ZNF91: variants seen among roughly 807,000 people sequenced by gnomAD.
The protein encoded by ZNF91 is zinc finger protein 91, also known as zinc finger protein 91 (HPF7, HTF10).
ZNF91 carries 7 observed loss-of-function variants against 12.6 expected under a neutral mutation model. The ratio of observed to expected loss-of-function variants is 0.55; its 90% CI spans 0.31 to 1.04. The LOEUF (loss-of-function observed/expected upper bound fraction) is 1.04, where lower values mean the gene tolerates loss of function less well. ZNF91 is among the 50% of genes least tolerant of loss of function. ZNF91 has a pLI of 0.05. For missense variants in ZNF91, 1,217 were observed against 1,385.4 expected, an observed-to-expected ratio of 0.88 and a Z score of 1.93; for synonymous variants, 453 against 462.6, an observed-to-expected ratio of 0.98 and a Z score of 0.27.
rs552422947 is a variant in ZNF91 at position 23,359,751 on chromosome 19, T to C, written c.3228A>G (p.Lys1076=). 271 of 1,613,942 alleles carry C rather than the reference T, an allele frequency of 1.7e-4. 2 individuals carry two copies. The South Asian group carries it at 2.8e-3, about 17-fold the overall frequency. ...NGHKRIHTRE[K]PYKCEECGKA... is the part of the protein sequence containing the mutation. The stretch of plus-strand genomic sequence containing the variant: ...TGCCACATTCTTCACATTTGTAGGG[T>C]TTCTCTCTAGTATGAATTCTCTTAT... Residue 1076 remains lysine, a synonymous_variant, in exon 4 of 4, where the codon AAA becomes AAG. Transcript: ENST00000300619.
downstream of ZNF91, among the ~76,000 whole-genome samples, chr19:23,355,796 A>G (rs1047033800): frequency 6.6e-6 from 1 of 152,180 alleles, no homozygotes; most frequent in Non-Finnish European, 1.5e-5. Flanking sequence ...AAACTCAAGC[A>G]AATCAGTAAG....
chr19:23,372,127 T>C (rs963412418), intron 3 of ZNF91, among the ~76,000 whole-genome samples: 1 of 152,106 alleles, frequency 6.6e-6, no homozygotes, highest in African/African-American at 2.4e-5. Flanking sequence ...ATGTACATTC[T>C]AGTATATTGT....
intron 3 of ZNF91, among the ~76,000 whole-genome samples, chr19:23,373,385 T>TAA (rs202191141): frequency 2.1e-4 from 13 of 61,270 alleles, no homozygotes; most frequent in African/African-American, 5.6e-4. Flanking sequence ...TATATATATA[T>TAA]AAATAAACAG....
intron 3 of ZNF91, among the ~76,000 whole-genome samples, chr19:23,373,380 ATATAT>A (rs1568395272): frequency 1.8e-4 from 14 of 79,954 alleles, no homozygotes; most frequent in Admixed American, 6.4e-4. Context: ...ATATATATAT[ATATAT>A]AAATAAACAG....
intron 3 of ZNF91, among the ~76,000 whole-genome samples, chr19:23,342,780 G>T (rs1968151306): frequency 6.6e-6 from 1 of 151,646 alleles, no homozygotes; most frequent in African/African-American, 2.4e-5. Context: ...GAGAGACCAG[G>T]TTTCTATAGT....
chr19:23,359,587 T>C lies in ZNF91; in HGVS notation c.3392A>G (p.Glu1131Gly). The change falls in exon 4 of 4, where the codon GAG becomes GGG. Residue 1131 changes from glutamate to glycine, a missense_variant. Physicochemically the swap from Glu to Gly is moderately conservative, Grantham distance 98 (BLOSUM62 -2). This residue lies in a region of ZNF91 where 491 missense variants were observed against 489.8 expected (regional missense o/e 1.00). Transcript: ENST00000300619. ...ACATTTTTCACATTTGTAGGGTTTC[T>C]CTCCAGTGTGAATTATCTTATGTTT... is the stretch of plus-strand genomic sequence containing the variant. ...LTKHKIIHTG[E>G]KPYKCEKCGK... The C allele has an allele frequency of 6.2e-7, 1 of 1,614,070 alleles. No individual in the cohort carries two copies.
chr19:23,374,865 A>C (rs1969446312), intron 1 of ZNF91, 101 bp from the exon 2 acceptor site: 4 of 1,542,436 alleles, frequency 2.6e-6, no homozygotes, highest in Non-Finnish European at 3.5e-6. Flanking sequence ...ACTGGTTCTG[A>C]CTTATAAGAG....
At chr19:23,363,789 GA>G (rs1968900301) in intron 3 of ZNF91, among the ~76,000 whole-genome samples, 1 of 151,972 alleles carries the variant, frequency 6.6e-6, no homozygotes, top group Non-Finnish European at 1.5e-5. Context: ...GACAACTATG[GA>G]AAATCGGAAA....
intron 1 of ZNF91, among the ~76,000 whole-genome samples, chr19:23,387,760 T>C (rs1568404251): frequency 6.6e-6 from 1 of 151,526 alleles, no homozygotes; most frequent in Non-Finnish European, 1.5e-5. Context: ...GCCAACATGG[T>C]AAAACCCCAT....
At chr19:23,318,452 G>A (rs1038283005) in intron 1 of ZNF91, among the ~76,000 whole-genome samples, 3 of 152,140 alleles carry the variant, frequency 2.0e-5, no homozygotes, top group African/African-American at 7.2e-5. Flanking sequence ...AGGTTGTGAT[G>A]TGTCTCTGGA....
At chr19:23,338,345 G>C (rs560213154), downstream of ZNF91, 15 of 151,886 alleles carry the variant, frequency 9.9e-5, no homozygotes, top group Admixed American at 3.3e-4. Flanking sequence ...CTGACCAGAA[G>C]AGAATGGGAT....
intron 3 of ZNF91, among the ~76,000 whole-genome samples, chr19:23,363,999 T>C (rs1158739853): frequency 6.6e-6 from 1 of 151,456 alleles, no homozygotes; most frequent in Non-Finnish European, 1.5e-5. Context: ...AAAAAAAAAA[T>C]CTTTGAAGCT....
At position 23,361,351 on chromosome 19, in the gene ZNF91, T is replaced by G. The variant is rs769317124; in HGVS notation, c.1628A>C (p.Glu543Ala). 6.2e-7 allele frequency: 1 copy of G among 1,613,704 alleles called. No individual in the cohort carries two copies. The highest frequency in any genetic ancestry group is 1.1e-5 in the South Asian group (1 of 91,060). ...LNKHKIIHSREKPYKCKECGK... is the reference protein window; with the variant it reads ...LNKHKIIHSRAKPYKCKECGK... ...ACATTCTTTACATTTGTAGGGTTTC[T>G]CTCTACTATGAATTATCTTATGTTT... Residue 543 changes from glutamate to alanine, a missense_variant, in exon 4 of 4, where the codon GAG (glutamate) becomes GCG (alanine). Physicochemically the swap from Glu to Ala is moderately radical, Grantham distance 107. This residue lies in a region of ZNF91 where 726 missense variants were observed against 895.5 expected (regional missense o/e 0.81). Transcript: ENST00000300619.
chr19:23,352,176 A>C (rs1968381886), intron 3 of ZNF91, among the ~76,000 whole-genome samples: 1 of 152,190 alleles, frequency 6.6e-6, no homozygotes, highest in Non-Finnish European at 1.5e-5. Flanking sequence ...CTCCACCTGG[A>C]AACAGACTCG....
rs539717385 is a variant in ZNF91, at chr19:23,375,034, C to A, written c.31-270G>T. Among the ~76,000 whole-genome samples the A allele has an allele frequency of 7.9e-5, 12 of 152,184 alleles. No individual in the cohort carries two copies. In the East Asian group the frequency reaches 2.1e-3, roughly 27 times the overall value. Reference sequence around the variant, plus strand: ...GTAAAATTGAGGGCATAAATATTAACAAGTACATTTTTGAGTGTTATATTT... The same window carrying A: ...GTAAAATTGAGGGCATAAATATTAAAAAGTACATTTTTGAGTGTTATATTT... On this transcript the variant is annotated intron_variant, in intron 1 of 3. Transcript: ENST00000300619.
Position 23,323,688 on chromosome 19 carries a change from CTCCTTCT to C in ZNF91, n.117-14598_117-14592del, listed in dbSNP as rs1380831437. 4.4e-5 allele frequency among the ~76,000 whole-genome samples: 5 copies of C among 112,530 alleles called. No homozygotes were observed. In the East Asian group the frequency reaches 1.2e-3, roughly 27 times the overall value. The allele number at this position is 112,530 out of a possible 152,430, so 73.8% of individuals were successfully genotyped here. ...CCTCTTCTCTCCTCCTCCTCTACTT[CTCCTTCT>C]TTATCCTCTCCTCCTTCTTTTCTTC... is the stretch of plus-strand genomic sequence containing the variant. On this transcript the variant is annotated intron_variant and non_coding_transcript_variant, in intron 1 of 1. Coordinates refer to the ZNF91 transcript ENST00000596528.
At position 23,361,853 on chromosome 19, in the gene ZNF91, T is replaced by C; in HGVS notation, c.1126A>G (p.Lys376Glu). The C allele has an allele frequency of 6.2e-7, 1 of 1,610,270 alleles. No homozygotes were observed. The highest frequency in any genetic ancestry group is 8.5e-7 in the Non-Finnish European group (1 of 1,177,310). ...ANHKITHTEE[K>E]PYKCKECDKA... The stretch of plus-strand genomic sequence containing the variant: ...TCACATTCTTTACATTTGTAGGGTT[T>C]CTCTTCAGTATGAGTTATCTTATGA... The change falls in exon 4 of 4, where the codon AAA (lysine) becomes GAA (glutamate). Residue 376 changes from lysine to glutamate, a missense_variant. Lys to Glu is a moderately conservative substitution (Grantham distance 56). Transcript: ENST00000300619.
intron 3 of ZNF91, among the ~76,000 whole-genome samples, chr19:23,349,197 A>G (rs1968303983): frequency 6.6e-6 from 1 of 152,106 alleles, no homozygotes; most frequent in East Asian, 1.9e-4. Context: ...CCTTTGAAGC[A>G]TGTGACCTCT....
At chr19:23,353,685 A>G (rs1054966715), downstream of ZNF91, among the ~76,000 whole-genome samples, 2 of 152,232 alleles carry the variant, frequency 1.3e-5, no homozygotes, top group African/African-American at 4.8e-5. Flanking sequence ...AAAGATAAAT[A>G]AAACTGATAG....
Sources: gnomAD v4.1 joint callset for allele counts (sites outside exome capture counted in the v4.1 genomes callset) on GRCh38, gnomAD v4.1.1 for gene constraint, gnomAD v4.1.1 regional missense constraint, MANE v1.5 for transcripts, NCBI Gene and HGNC (gene_info 2026-07-23, HGNC 2026-07-21) for gene names.